The following KMT2B variants were observed in gnomAD, a reference collection of about 807,000 sequenced individuals.
KMT2B encodes the protein histone-lysine N-methyltransferase 2B.
In KMT2B, 22 loss-of-function variants were observed where a neutral mutation model predicts 255.3. The ratio of observed to expected loss-of-function variants is 0.09; its 90% CI spans 0.06 to 0.12. KMT2B has a LOEUF of 0.12. KMT2B is among the 10% of genes least tolerant of loss of function. The pLI, the probability that KMT2B is intolerant of heterozygous loss-of-function variation, is 1.00. For missense variants in KMT2B, 3,149 were observed against 3,737.0 expected, an observed-to-expected ratio of 0.84 and a Z score of 4.10; for synonymous variants, 1,730 against 1,498.1, an observed-to-expected ratio of 1.15 and a Z score of -3.57.
Position 35,737,428 on chromosome 19 carries a change from T to C in KMT2B, c.7550+165T>C, listed in dbSNP as rs980137971. The C allele has an allele frequency of 4.5e-6, 4 of 887,802 alleles. No homozygotes were observed. In the East Asian group the frequency reaches 1.1e-4, roughly 24 times the overall value. The allele number at this position is 887,802 out of a possible 1,614,324, so 55.0% of individuals were successfully genotyped here. A position where few individuals can be genotyped will look rare whatever the true frequency, so the allele number is the denominator to read the frequency against. On this transcript the variant is annotated intron_variant, in intron 33 of 36. Coordinates refer to ENST00000420124, the MANE Select transcript of KMT2B (RefSeq NM_014727.3). The surrounding 1 kb of genome is among the most constrained non-coding windows in gnomAD (Gnocchi z 5.3). ...CAGGCTCCGTGGCTCATGCCTGTAATCCCGCCACTTTGGGAGGCCGAGGCA... is the reference window on the plus strand; with the variant it reads ...CAGGCTCCGTGGCTCATGCCTGTAACCCCGCCACTTTGGGAGGCCGAGGCA...
chr19:35,727,313 G>A lies in KMT2B; in HGVS notation c.4117+44G>A. The A allele has an allele frequency of 6.3e-7, 1 of 1,585,534 alleles. No homozygotes were observed. Among genetic ancestry groups the A allele is most frequent in the Non-Finnish European group, 8.7e-7 (1 of 1,154,862 alleles). On this transcript the variant is annotated intron_variant, in intron 15 of 36. Transcript: ENST00000420124. This position sits in a 1 kb window ranked among gnomAD's most constrained non-coding sequence, Gnocchi z 4.2. ...TGGGCTGCAGCCTCAACCCTGTGGGGACCCCTGCCCCCACCACAGGCCCCA... is the reference window on the plus strand; with the variant it reads ...TGGGCTGCAGCCTCAACCCTGTGGGAACCCCTGCCCCCACCACAGGCCCCA...
chr19:35,720,437 G>A lies in KMT2B; in HGVS notation c.1090G>A (p.Glu364Lys), dbSNP rs757604369. The A allele has an allele frequency of 4.1e-5, 64 of 1,554,544 alleles. No individual in the cohort carries two copies. In the Middle Eastern group the frequency reaches 8.3e-4, roughly 20 times the overall value. The change falls in exon 3 of 37, where the codon GAG (glutamate) becomes AAG (lysine). Residue 364 changes from glutamate (E) to lysine (K), a missense_variant. Glu to Lys is a moderately conservative substitution (Grantham distance 56). Around this residue, in one of 18 missense-constraint regions of KMT2B, gnomAD observed 1,188 missense variants for 1,106.4 expected, o/e 1.07. Coordinates refer to ENST00000420124, the MANE Select transcript of KMT2B (RefSeq NM_014727.3). ...AAAGCAGGAACAGAAGCTGGATGAC[G>A]AGGAAGAAGAGAAGAAAGAAGAAGA... ...WKKQEQKLDD[E>K]EEEKKEEEEK...
In KMT2B at chr19:35,721,210, T is replaced by TGCCC; in HGVS notation, c.1863_1864insGCCC (p.Pro622AlafsTer55). Reference sequence around the variant, plus strand: ...CACTGACCCGGGAGCTGCCCCCTCCTCCCCCAGCCCCTCCACCTCCCCCGG... The same window carrying TGCCC: ...CACTGACCCGGGAGCTGCCCCCTCCTGCCCCCCCCAGCCCCTCCACCTCCCCCGG... On this transcript the variant is annotated frameshift_variant, in exon 3 of 37. Transcript: ENST00000420124. LOFTEE classifies it high-confidence loss of function. 1 of 810,692 alleles carries TGCCC rather than the reference T, an allele frequency of 1.2e-6. No homozygotes were observed. Among genetic ancestry groups the TGCCC allele is most frequent in the Non-Finnish European group, 1.6e-6 (1 of 624,114 alleles). 50.2% of individuals were successfully genotyped at this position (810,692 alleles called of 1,614,324 possible).
At position 35,733,301 on chromosome 19, in the gene KMT2B, C is replaced by CCG; in HGVS notation, c.6752_6753insCG (p.Ala2252ValfsTer10). On this transcript the variant is annotated frameshift_variant, in exon 28 of 37. Transcript: ENST00000420124. LOFTEE classifies it high-confidence loss of function. This position sits in a 1 kb window ranked among gnomAD's most constrained non-coding sequence, Gnocchi z 4.3. The stretch of plus-strand genomic sequence containing the variant: ...CTGCCCGTGGTCGGAGTGGTCCGCC[C>CCG]TGCCCCGCCCCCGCCACCCCCTCCC... The CCG allele has an allele frequency of 3.4e-6, 5 of 1,453,810 alleles. No homozygotes were observed. Among genetic ancestry groups the CCG allele is most frequent in the Non-Finnish European group, 4.7e-6 (5 of 1,062,352 alleles). 90.1% of individuals were successfully genotyped at this position (1,453,810 alleles called of 1,614,324 possible). A position where few individuals can be genotyped will look rare whatever the true frequency, so the allele number is the denominator to read the frequency against.
rs370132510 is a variant in KMT2B at position 35,737,099 on chromosome 19, G to C, written c.7386G>C (p.Ala2462=). 1.9e-6 allele frequency: 3 copies of C among 1,609,912 alleles called. No homozygotes were observed. Among genetic ancestry groups the C allele is most frequent in the Non-Finnish European group, 2.5e-6 (3 of 1,177,406 alleles). The change falls in exon 33 of 37, where the codon GCG becomes GCC. Residue 2462 remains alanine, a synonymous_variant. Transcript: ENST00000420124. The surrounding 1 kb of genome is among the most constrained non-coding windows in gnomAD (Gnocchi z 5.3). ...ATCTCCCCTCAGGAATGAGTGGGGC[G>C]AGACTCCTGGGCATCCACCATGATG... is the stretch of plus-strand genomic sequence containing the variant. ...RHLSFSGMSG[A]RLLGIHHDAV...
Position 35,723,259 on chromosome 19 carries a change from A to G in KMT2B, c.2987A>G (p.Lys996Arg). The change falls in exon 6 of 37, where the codon AAG becomes AGG. Residue 996 changes from lysine to arginine, a missense_variant. Coordinates refer to ENST00000420124, the MANE Select transcript of KMT2B (RefSeq NM_014727.3). The surrounding 1 kb of genome is among the most constrained non-coding windows in gnomAD (Gnocchi z 7.5). ...CCCAAGTTTGGGGGCCCTAACACCA[A>G]GAAGCAGTGCTGTGTGTGAGTAGCT... Reference protein sequence around the residue: ...DKPKFGGPNTKKQCCVYRKCD... With the variant: ...DKPKFGGPNTRKQCCVYRKCD... 2 of 1,612,982 alleles carry G rather than the reference A, an allele frequency of 1.2e-6. No homozygotes were observed. Among genetic ancestry groups the G allele is most frequent in the Non-Finnish European group, 1.7e-6 (2 of 1,179,738 alleles).
At position 35,733,618 on chromosome 19, in the gene KMT2B, A is replaced by G. The variant is rs900235062; in HGVS notation, c.6981A>G (p.Lys2327=). 5.7e-6 allele frequency: 9 copies of G among 1,588,278 alleles called. No individual in the cohort carries two copies. The highest frequency in any genetic ancestry group is 1.8e-5 in the Admixed American group (1 of 55,918). ...CCAGGTTTAGCCGTGTGAGGATGAA[A>G]ACCCCCACAGTGCGTGGGGTCCTTG... ...GSGGFSRVRM[K]TPTVRGVLDL... Residue 2327 remains lysine, a synonymous_variant, in exon 29 of 37, where the codon AAA becomes AAG. Transcript: ENST00000420124. The surrounding 1 kb of genome is among the most constrained non-coding windows in gnomAD (Gnocchi z 4.3).
At position 35,737,825 on chromosome 19, in the gene KMT2B, C is replaced by T. The variant is rs1277531350; in HGVS notation, c.7659-34C>T. 1.3e-6 allele frequency: 2 copies of T among 1,553,660 alleles called. No homozygotes were observed. Among genetic ancestry groups the T allele is most frequent in the Admixed American group, 1.9e-5 (1 of 51,342 alleles). ...CAGGGGTGAGAGAGGTCATTCTGAG[C>T]ACCAGCCTGGGTGACACTGCTGTCC... On this transcript the variant is annotated intron_variant, in intron 34 of 36. Coordinates refer to ENST00000420124, the MANE Select transcript of KMT2B (RefSeq NM_014727.3). The surrounding 1 kb of genome is among the most constrained non-coding windows in gnomAD (Gnocchi z 5.3).
In KMT2B at chr19:35,721,283, C is replaced by T; in HGVS notation, c.1936C>T (p.Leu646Phe). ...TGCCACCTCCTCCCGGAGGCCCCTA[C>T]TCCTTCGGGCCCCTCAGTTTACCCC... ...APATSSRRPLLLRAPQFTPSE... is the reference protein window; with the variant it reads ...APATSSRRPLFLRAPQFTPSE... The change falls in exon 3 of 37, where the codon CTC (leucine) becomes TTC (phenylalanine). Residue 646 changes from leucine to phenylalanine, a missense_variant. By Grantham distance (22) the Leu-to-Phe change is conservative. Coordinates refer to ENST00000420124, the MANE Select transcript of KMT2B (RefSeq NM_014727.3). 2 of 1,543,748 alleles carry T rather than the reference C, an allele frequency of 1.3e-6. No individual in the cohort carries two copies. Among genetic ancestry groups the T allele is most frequent in the Non-Finnish European group, 8.7e-7 (1 of 1,146,118 alleles).
At chr19:35,731,846 G>C (rs1042771340) in intron 26 of KMT2B, 62 bp from the exon 27 acceptor site, 1 of 1,257,238 alleles carries the variant, frequency 8.0e-7, no homozygotes, top group Non-Finnish European at 1.2e-6. Flanking sequence ...CAGGATGAGA[G>C]CATGTGGGCA....
Position 35,725,429 on chromosome 19 carries a change from C to A in KMT2B, c.3643-50C>A, listed in dbSNP as rs1321926750. On this transcript the variant is annotated intron_variant, in intron 11 of 36. Coordinates refer to ENST00000420124, the MANE Select transcript of KMT2B (RefSeq NM_014727.3). The surrounding 1 kb of genome is among the most constrained non-coding windows in gnomAD (Gnocchi z 4.1). ...TCTCAGCTGGGTCTCATCCCTTGGCCCTCTGGCCTCATGCTATGCCCATCA... is the reference window on the plus strand; with the variant it reads ...TCTCAGCTGGGTCTCATCCCTTGGCACTCTGGCCTCATGCTATGCCCATCA... The A allele has an allele frequency of 1.2e-6, 2 of 1,600,872 alleles. No homozygotes were observed. The highest frequency in any genetic ancestry group is 2.7e-5 in the African/African-American group (2 of 74,832).
chr19:35,731,557 C>T (rs1165842384), intron 26 of KMT2B, among the ~76,000 whole-genome samples: 1 of 152,004 alleles, frequency 6.6e-6, no homozygotes, highest in African/African-American at 2.4e-5. Context: ...CGGGCCGGGG[C>T]GGGCGGGAGC....
Position 35,733,620 on chromosome 19 carries a change from C to A in KMT2B, c.6983C>A (p.Thr2328Asn). ...SGGFSRVRMK[T>N]PTVRGVLDLD... is the part of the protein sequence containing the mutation. ...AGGTTTAGCCGTGTGAGGATGAAAACCCCCACAGTGCGTGGGGTCCTTGAC... is the reference window on the plus strand; with the variant it reads ...AGGTTTAGCCGTGTGAGGATGAAAAACCCCACAGTGCGTGGGGTCCTTGAC... The change falls in exon 29 of 37, where the codon ACC becomes AAC. Residue 2328 changes from threonine to asparagine, a missense_variant. Physicochemically the swap from Thr to Asn is moderately conservative, Grantham distance 65. This residue lies in a region of KMT2B where 897 missense variants were observed against 825.3 expected (regional missense o/e 1.09). Coordinates refer to ENST00000420124, the MANE Select transcript of KMT2B (RefSeq NM_014727.3). This position sits in a 1 kb window ranked among gnomAD's most constrained non-coding sequence, Gnocchi z 4.3. 1 of 1,589,204 alleles carries A rather than the reference C, an allele frequency of 6.3e-7. No individual in the cohort carries two copies. Among genetic ancestry groups the A allele is most frequent in the Non-Finnish European group, 8.6e-7 (1 of 1,168,064 alleles).
At position 35,722,158 on chromosome 19, in the gene KMT2B, C is replaced by T. The variant is rs113293315; in HGVS notation, c.2458-201C>T. On this transcript the variant is annotated intron_variant, in intron 3 of 36. Coordinates refer to ENST00000420124, the MANE Select transcript of KMT2B (RefSeq NM_014727.3). Reference sequence around the variant, plus strand: ...TAGCTGGGACTACAGGTGCCCATCACCACGCCTGGCTAATTTTTGTATTTT... The same window carrying T: ...TAGCTGGGACTACAGGTGCCCATCATCACGCCTGGCTAATTTTTGTATTTT... 0.019 allele frequency among the ~76,000 whole-genome samples: 2,966 copies of T among 152,166 alleles called. 44 individuals are homozygous for T. Among genetic ancestry groups the T allele is most frequent in the Admixed American group, 0.033 (503 of 15,276 alleles).
In KMT2B at chr19:35,738,730, C is replaced by T. The variant is rs879014535; in HGVS notation, c.*173C>T. 2 of 672,746 alleles carry T rather than the reference C, an allele frequency of 3.0e-6. No individual in the cohort carries two copies. Among genetic ancestry groups the T allele is most frequent in the South Asian group, 2.0e-5 (1 of 50,666 alleles). 41.7% of individuals were successfully genotyped at this position (672,746 alleles called of 1,614,324 possible). A position where few individuals can be genotyped will look rare whatever the true frequency, so the allele number is the denominator to read the frequency against. On this transcript the variant is annotated 3_prime_UTR_variant, in exon 37 of 37. Transcript: ENST00000420124. This position sits in a 1 kb window ranked among gnomAD's most constrained non-coding sequence, Gnocchi z 8.7. Reference sequence around the variant, plus strand: ...CCCTGCCTCCACCCCTCCAGCCCATCCAGCAATCGCCCCCTTTCTGCCCTG... The same window carrying T: ...CCCTGCCTCCACCCCTCCAGCCCATTCAGCAATCGCCCCCTTTCTGCCCTG...
rs116170996 is a variant in KMT2B at position 35,720,922 on chromosome 19, G to A, written c.1575G>A (p.Arg525=). The A allele has an allele frequency of 5.6e-4, 896 of 1,610,644 alleles. 4 individuals are homozygous for A. In the African/African-American group the frequency reaches 8.0e-3, roughly 14 times the overall value. The part of the protein sequence containing the change: ...PKSTTFLKNI[R]QFIMPVVSAR... ...GCACCACCTTCCTGAAGAATATCCG[G>A]CAGTTTATTATGCCTGTGGTGAGTG... Residue 525 remains arginine (R), a synonymous_variant, in exon 3 of 37, where the codon CGG becomes CGA. Transcript: ENST00000420124.
intron 19 of KMT2B, 79 bp from the exon 20 acceptor site, chr19:35,728,695 G>A (rs1008795637): frequency 9.5e-7 from 1 of 1,053,700 alleles, no homozygotes; most frequent in Non-Finnish European, 1.5e-6. Flanking sequence ...GTCATGGCGA[G>A]TTCAGGCTGG....
Position 35,733,246 on chromosome 19 carries a change from A to C in KMT2B, c.6697A>C (p.Thr2233Pro). Residue 2233 changes from threonine (T) to proline (P), a missense_variant, in exon 28 of 37, where the codon ACT (threonine) becomes CCT (proline). Coordinates refer to ENST00000420124, the MANE Select transcript of KMT2B (RefSeq NM_014727.3). This position sits in a 1 kb window ranked among gnomAD's most constrained non-coding sequence, Gnocchi z 4.3. ...TTCCCCCACGGCTCCCACCTCCTGG[A>C]CTCTGCCCCCAGGCCCCCTCCTCGG... ...TISPTAPTSW[T>P]LPPGPLLGVL... The C allele has an allele frequency of 7.5e-7, 1 of 1,339,206 alleles. No homozygotes were observed. Among genetic ancestry groups the C allele is most frequent in the Non-Finnish European group, 1.0e-6 (1 of 1,003,958 alleles). The allele number at this position is 1,339,206 out of a possible 1,614,324, so 83.0% of individuals were successfully genotyped here. A position where few individuals can be genotyped will look rare whatever the true frequency, so the allele number is the denominator to read the frequency against.
Position 35,733,227 on chromosome 19 carries a change from C to A in KMT2B, c.6678C>A (p.Pro2226=), listed in dbSNP as rs1416113459. 4.7e-6 allele frequency: 7 copies of A among 1,495,144 alleles called. No homozygotes were observed. The highest frequency in any genetic ancestry group is 1.2e-5 in the South Asian group (1 of 81,460). The allele number at this position is 1,495,144 out of a possible 1,614,324, so 92.6% of individuals were successfully genotyped here. The change falls in exon 28 of 37, where the codon CCC becomes CCA. Residue 2226 remains proline, a synonymous_variant. Coordinates refer to ENST00000420124, the MANE Select transcript of KMT2B (RefSeq NM_014727.3). The surrounding 1 kb of genome is among the most constrained non-coding windows in gnomAD (Gnocchi z 4.3). ...CACCTTTGCCCCCCACCATTTCCCC[C>A]ACGGCTCCCACCTCCTGGACTCTGC... ...KQPPLPPTIS[P]TAPTSWTLPP...
Sources: gnomAD v4.1 joint callset for allele counts (sites outside exome capture counted in the v4.1 genomes callset) on GRCh38, gnomAD v4.1.1 for gene constraint, gnomAD v4.1.1 regional missense constraint, Gnocchi (gnomAD v3.1) non-coding constraint, MANE v1.5 for transcripts, NCBI Gene and HGNC (gene_info 2026-07-23, HGNC 2026-07-21) for gene names.